Variants in ST8SIA1 observed in about 807,000 individuals in gnomAD.
ST8SIA1 encodes the protein alpha-N-acetylneuraminide alpha-2,8-sialyltransferase.
Under a neutral mutation model 35.9 loss-of-function variants are expected in ST8SIA1, and 16 were observed. The observed-to-expected ratio is 0.45, with a 90% confidence interval of 0.30 to 0.68. ST8SIA1 has a LOEUF of 0.68. ST8SIA1 is among the 30% of genes least tolerant of loss of function. The pLI is 0.09. For synonymous variants in ST8SIA1, 170 were observed against 169.6 expected (o/e 1.00, Z -0.02); for missense variants, 383 against 453.6 (o/e 0.84, Z 1.41).
intron 4 of ST8SIA1, among the ~76,000 whole-genome samples, chr12:22,219,444 C>T (rs1865272579): frequency 6.6e-6 from 1 of 152,122 alleles, no homozygotes; most frequent in African/African-American, 2.4e-5. Context: ...GCACCAGCTG[C>T]ACTTCAGAGC....
At chr12:22,316,538 A>G (rs1866522081) in intron 1 of ST8SIA1, among the ~76,000 whole-genome samples, 1 of 152,214 alleles carries the variant, frequency 6.6e-6, no homozygotes, top group Non-Finnish European at 1.5e-5. Context: ...AAAATACCAG[A>G]TGAAAATGTT....
intron 1 of ST8SIA1, among the ~76,000 whole-genome samples, chr12:22,333,117 A>C (rs1866790598): frequency 6.6e-6 from 1 of 152,140 alleles, no homozygotes; most frequent in Non-Finnish European, 1.5e-5. Context: ...TTAGACATTT[A>C]ATCTAAAATT....
intron 2 of ST8SIA1, among the ~76,000 whole-genome samples, chr12:22,270,003 C>CTCCTT (rs1865892738): frequency 1.3e-5 from 2 of 152,184 alleles, no homozygotes; most frequent in African/African-American, 4.8e-5. Context: ...AAATGGGAAT[C>CTCCTT]TCCTTATACA....
intron 4 of ST8SIA1, among the ~76,000 whole-genome samples, chr12:22,237,699 A>G (rs1865491559): frequency 6.6e-6 from 1 of 151,780 alleles, no homozygotes; most frequent in Non-Finnish European, 1.5e-5. Flanking sequence ...ATACCATTTT[A>G]TTCTCATTAT....
At chr12:22,235,892 C>CCACACACA (rs3831855) in intron 4 of ST8SIA1, among the ~76,000 whole-genome samples, 7 of 149,508 alleles carry the variant, frequency 4.7e-5, no homozygotes, top group Admixed American at 1.3e-4. Flanking sequence ...ATTCCCTTCA[C>CCACACACA]CACACACACA....
intron 2 of ST8SIA1, among the ~76,000 whole-genome samples, chr12:22,273,318 A>G (rs2216229): frequency 0.26 from 40,263 of 152,094 alleles, 5,517 homozygotes; most frequent in Middle Eastern, 0.38. Flanking sequence ...CTACACTGTC[A>G]TGTCCACCTT....
intron 4 of ST8SIA1, among the ~76,000 whole-genome samples, chr12:22,209,489 G>C (rs1216137605): frequency 6.6e-6 from 1 of 152,164 alleles, no homozygotes; most frequent in Non-Finnish European, 1.5e-5. Context: ...TAAGGAAATT[G>C]ATAATAACAA....
At chr12:22,262,744 A>G (rs1865806608) in intron 2 of ST8SIA1, among the ~76,000 whole-genome samples, 1 of 152,242 alleles carries the variant, frequency 6.6e-6, no homozygotes, top group African/African-American at 2.4e-5. Context: ...AGCACTTCTG[A>G]TTACAAATTA....
At chr12:22,254,016 T>A (rs998820297) in intron 3 of ST8SIA1, among the ~76,000 whole-genome samples, 8 of 152,160 alleles carry the variant, frequency 5.3e-5, no homozygotes, top group Non-Finnish European at 1.2e-4. Flanking sequence ...ACTCCTAGAC[T>A]GTTACTCGTT....
chr12:22,270,925 T>C (rs565607943), intron 2 of ST8SIA1, among the ~76,000 whole-genome samples: 5 of 152,362 alleles, frequency 3.3e-5, no homozygotes, highest in South Asian at 4.1e-4. Flanking sequence ...GATTCATAAT[T>C]AGTAAATGGA....
At chr12:22,221,780 C>G (rs749827772) in intron 4 of ST8SIA1, among the ~76,000 whole-genome samples, 5 of 152,172 alleles carry the variant, frequency 3.3e-5, no homozygotes, top group South Asian at 2.1e-4. Context: ...AAACCTTTTC[C>G]TTGCTTATAC....
chr12:22,328,545 A>T (rs1364661356), intron 1 of ST8SIA1, among the ~76,000 whole-genome samples: 1 of 152,174 alleles, frequency 6.6e-6, no homozygotes, highest in East Asian at 1.9e-4. Flanking sequence ...TTCCAAGAAA[A>T]CAAAAATTTT....
chr12:22,239,593 T>C (rs935446285), intron 4 of ST8SIA1, among the ~76,000 whole-genome samples: 19 of 152,358 alleles, frequency 1.2e-4, no homozygotes, highest in Non-Finnish European at 8.8e-5. Flanking sequence ...ACATATTTAG[T>C]AATCTACTGC....
chr12:22,228,825 G>A (rs1865384731), intron 4 of ST8SIA1, among the ~76,000 whole-genome samples: 1 of 152,100 alleles, frequency 6.6e-6, no homozygotes. Flanking sequence ...GGAGGCCAAG[G>A]CGGGTGGATC....
At chr12:22,289,728 G>A (rs994057148) in intron 1 of ST8SIA1, among the ~76,000 whole-genome samples, 33 of 152,088 alleles carry the variant, frequency 2.2e-4, no homozygotes, top group Admixed American at 2.0e-3. Flanking sequence ...AGCTGAACTT[G>A]CCATTCTGTA....
chr12:22,291,327 T>C (rs1591846375), intron 1 of ST8SIA1, among the ~76,000 whole-genome samples: 1 of 152,186 alleles, frequency 6.6e-6, no homozygotes, highest in Non-Finnish European at 1.5e-5. Flanking sequence ...GGAAGAAGGT[T>C]GGGAGGCTGC....
In ST8SIA1 at chr12:22,199,113, A is replaced by T. The variant is rs1178121987; in HGVS notation, c.*2439T>A. ...TGCATAAATCTATCCCAGGCATCAT[A>T]AAAAGATGAAAAATTTCCACATAAT... On this transcript the variant is annotated 3_prime_UTR_variant, in exon 5 of 5. Coordinates refer to ENST00000396037, the MANE Select transcript of ST8SIA1 (RefSeq NM_003034.4). The T allele has an allele frequency of 6.6e-6, 1 of 152,040 alleles. No homozygotes were observed. Among genetic ancestry groups the T allele is most frequent in the Non-Finnish European group, 1.5e-5 (1 of 68,036 alleles). 9.4% of individuals were successfully genotyped at this position (152,040 alleles called of 1,614,324 possible). A position where few individuals can be genotyped will look rare whatever the true frequency, so the allele number is the denominator to read the frequency against.
rs757667324 is a variant in ST8SIA1 at position 22,325,410 on chromosome 12, C to T, written c.236+8587G>A. ...ACTTCCTCCTGGCACCTAATTAGAGCGACACAGCTCTTACGGTCTTGGCTG... is the reference window on the plus strand; with the variant it reads ...ACTTCCTCCTGGCACCTAATTAGAGTGACACAGCTCTTACGGTCTTGGCTG... On this transcript the variant is annotated intron_variant, in intron 1 of 4. Coordinates refer to ENST00000396037, the MANE Select transcript of ST8SIA1 (RefSeq NM_003034.4). 1.5e-4 allele frequency: 106 copies of T among 700,820 alleles called. No individual in the cohort carries two copies. In the East Asian group the frequency reaches 1.8e-3, roughly 12 times the overall value. The allele number at this position is 700,820 out of a possible 1,614,324, so 43.4% of individuals were successfully genotyped here.
At chr12:22,209,358 C>T (rs1032627819) in intron 4 of ST8SIA1, among the ~76,000 whole-genome samples, 1 of 151,972 alleles carries the variant, frequency 6.6e-6, no homozygotes, top group Non-Finnish European at 1.5e-5. Flanking sequence ...CTGCCAAATC[C>T]GAGATGAGGA....
Sources: allele counts gnomAD v4.1 joint callset (sites outside exome capture counted in the v4.1 genomes callset), GRCh38; gene constraint gnomAD v4.1.1; transcripts MANE v1.5; gene names NCBI Gene and HGNC (gene_info 2026-07-23, HGNC 2026-07-21).